FGF12: variants seen among roughly 807,000 people sequenced by gnomAD.
The protein encoded by FGF12 is fibroblast growth factor 12B.
FGF12 carries 14 observed loss-of-function variants against 23.6 expected under a neutral mutation model. That is an observed-to-expected ratio of 0.59 (90% confidence interval 0.39 to 0.93). The LOEUF is 0.93. Among genes scored for constraint, FGF12 ranks in the 40% least tolerant of loss-of-function variants. FGF12 has a pLI of 0.00. For synonymous variants in FGF12, 62 were observed against 77.3 expected (o/e 0.80, Z 1.04); for missense variants, 175 against 217.8 (o/e 0.80, Z 1.24).
intron 2 of FGF12, chr3:192,534,221 T>A: frequency 6.6e-6 from 1 of 152,210 alleles, no homozygotes; most frequent in Admixed American, 6.5e-5. Flanking sequence ...CTGCTAGCTT[T>A]CCATTACAGT....
At chr3:192,584,556 A>C (rs1326151021) in intron 2 of FGF12, among the ~76,000 whole-genome samples, 1 of 152,082 alleles carries the variant, frequency 6.6e-6, no homozygotes, top group Admixed American at 6.6e-5. Flanking sequence ...ACGATTTCAC[A>C]TAGAGGTTTG....
At chr3:192,694,671 T>TAAAG (rs1718057460) in intron 2 of FGF12, among the ~76,000 whole-genome samples, 1 of 150,828 alleles carries the variant, frequency 6.6e-6, no homozygotes, top group Non-Finnish European at 1.5e-5. Context: ...CACAGTAAAA[T>TAAAG]AGTATACAGT....
chr3:192,499,698 ATTGT>A (rs945003704), intron 2 of FGF12, among the ~76,000 whole-genome samples: 1 of 149,792 alleles, frequency 6.7e-6, no homozygotes, highest in Non-Finnish European at 1.5e-5. Flanking sequence ...CACACGGCTA[ATTGT>A]TTGTATTTTT....
intron 2 of FGF12, among the ~76,000 whole-genome samples, chr3:192,475,364 T>C (rs1463513111): frequency 6.6e-6 from 1 of 152,068 alleles, no homozygotes; most frequent in Non-Finnish European, 1.5e-5. Context: ...CCTTAATCTA[T>C]AAACGGAATG....
At chr3:192,518,392 G>T (rs1304683525) in intron 2 of FGF12, among the ~76,000 whole-genome samples, 1 of 152,118 alleles carries the variant, frequency 6.6e-6, no homozygotes, top group African/African-American at 2.4e-5. Context: ...AGAGTTTGTA[G>T]AAATTAATAA....
At position 192,415,836 on chromosome 3, in the gene FGF12, TA is replaced by T. The variant is rs1448200943; in HGVS notation, c.14-55299del. Among the ~76,000 whole-genome samples, 3 of 149,188 alleles carry T rather than the reference TA, an allele frequency of 2.0e-5. No individual in the cohort carries two copies. The East Asian group carries it at 5.9e-4, about 29-fold the overall frequency. ...CAAACAGAGAGCCACAGACATCAGG[TA>T]AAATGAGTAGGCAACTTTAAAATCT... On this transcript the variant is annotated intron_variant, in intron 2 of 5. Transcript: ENST00000445105.
intron 4 of FGF12, among the ~76,000 whole-genome samples, chr3:192,310,117 A>C (rs1403140907): frequency 2.6e-5 from 4 of 152,200 alleles, no homozygotes; most frequent in Non-Finnish European, 2.9e-5. Context: ...TAAACACAAA[A>C]AAGTGCTGGT....
chr3:192,558,551 T>C (rs1711882071), intron 2 of FGF12, among the ~76,000 whole-genome samples: 1 of 150,990 alleles, frequency 6.6e-6, no homozygotes, highest in African/African-American at 2.4e-5. Context: ...AAAATCCCAC[T>C]GGCATTTTTT....
At chr3:192,200,975 G>A (rs1387946110) in intron 4 of FGF12, among the ~76,000 whole-genome samples, 1 of 152,052 alleles carries the variant, frequency 6.6e-6, no homozygotes, top group Non-Finnish European at 1.5e-5. Context: ...TGCTTTGACA[G>A]CCAGGTGAAA....
At chr3:192,152,408 G>T in intron 5 of FGF12, among the ~76,000 whole-genome samples, 1 of 104,054 alleles carries the variant, frequency 9.6e-6, no homozygotes, top group Non-Finnish European at 2.0e-5. Context: ...GTGATGTTAG[G>T]GTGTCAATTT....
intron 2 of FGF12, among the ~76,000 whole-genome samples, chr3:192,561,150 A>C (rs1300542777): frequency 6.6e-6 from 1 of 152,116 alleles, no homozygotes; most frequent in African/African-American, 2.4e-5. Flanking sequence ...TATATGCCAT[A>C]TATACACACA....
intron 2 of FGF12, among the ~76,000 whole-genome samples, chr3:192,440,544 T>TA (rs1301917116): frequency 5.3e-5 from 8 of 152,232 alleles, no homozygotes; most frequent in Non-Finnish European, 1.2e-4. Context: ...CTGTGAGCAA[T>TA]AAAATCATAC....
At chr3:192,334,256 T>C (rs923187333) in intron 4 of FGF12, among the ~76,000 whole-genome samples, 1 of 152,070 alleles carries the variant, frequency 6.6e-6, no homozygotes, top group Non-Finnish European at 1.5e-5. Context: ...GCTTCTTCTG[T>C]GCAGCATGTA....
chr3:192,635,682 T>A (rs1430179213), intron 2 of FGF12, among the ~76,000 whole-genome samples: 1 of 152,194 alleles, frequency 6.6e-6, no homozygotes, highest in Admixed American at 6.5e-5. Context: ...TGGTTTAAAA[T>A]CTTGCTGTAC....
intron 4 of FGF12, among the ~76,000 whole-genome samples, chr3:192,219,400 T>A (rs773600009): frequency 9.2e-5 from 14 of 152,148 alleles, no homozygotes; most frequent in Non-Finnish European, 1.9e-4. Flanking sequence ...AATTTTTAAA[T>A]ATCAGAAGAA....
chr3:192,513,982 T>C (rs1724573494), intron 2 of FGF12, among the ~76,000 whole-genome samples: 1 of 152,176 alleles, frequency 6.6e-6, no homozygotes, highest in South Asian at 2.1e-4. Context: ...ATCACACTTA[T>C]TTGATATTAG....
intron 4 of FGF12, among the ~76,000 whole-genome samples, chr3:192,311,987 A>G (rs925302088): frequency 2.1e-5 from 3 of 143,308 alleles, no homozygotes; most frequent in African/African-American, 7.7e-5. Flanking sequence ...CTGTTTTCAG[A>G]TCATTTGCAC....
At chr3:192,251,645 T>C (rs539677457) in intron 4 of FGF12, among the ~76,000 whole-genome samples, 1 of 152,010 alleles carries the variant, frequency 6.6e-6, no homozygotes, top group Non-Finnish European at 1.5e-5. Flanking sequence ...TACAAAGGAA[T>C]ACTACATTGC....
At chr3:192,375,044 T>C (rs796336368) in intron 2 of FGF12, among the ~76,000 whole-genome samples, 3 of 152,310 alleles carry the variant, frequency 2.0e-5, no homozygotes, top group African/African-American at 7.2e-5. Flanking sequence ...TCTGTAAATA[T>C]CCACAAAAAG....
Sources: allele counts gnomAD v4.1 joint callset (sites outside exome capture counted in the v4.1 genomes callset), GRCh38; gene constraint gnomAD v4.1.1; transcripts MANE v1.5; gene names NCBI Gene and HGNC (gene_info 2026-07-23, HGNC 2026-07-21).